Variants in SUMF1 observed in about 807,000 individuals in gnomAD.
SUMF1 encodes sulfatase modifying factor 1, also known as formylglycine-generating enzyme.
SUMF1 carries 48 observed loss-of-function variants against 47.6 expected under a neutral mutation model. The observed-to-expected ratio is 1.01, with a 90% CI of 0.80 to 1.28. The LOEUF is 1.28. Ranked by LOEUF, SUMF1 falls within the 50% of genes most tolerant of loss-of-function variation. The probability of loss-of-function intolerance (pLI) is 0.00; values close to 1 mark genes in which losing one functional copy is unlikely to be tolerated. For missense variants in SUMF1, 571 were observed against 485.4 expected, an observed-to-expected ratio of 1.18 and a Z score of -1.66; for synonymous variants, 230 against 192.1, an observed-to-expected ratio of 1.20 and a Z score of -1.63.
chr3:4,124,771 T>C (rs1450074275), intron 8 of SUMF1, among the ~76,000 whole-genome samples: 2 of 151,518 alleles, frequency 1.3e-5, no homozygotes. Flanking sequence ...AATCAATGTA[T>C]TGATTTGAGA....
chr3:4,112,770 T>A (rs1328491176), intron 8 of SUMF1, among the ~76,000 whole-genome samples: 2 of 152,100 alleles, frequency 1.3e-5, no homozygotes, highest in East Asian at 1.9e-4. Flanking sequence ...TTTCTTCTTA[T>A]CCCCTCCACC....
At chr3:4,199,979 T>G (rs1433125179) in intron 8 of SUMF1, among the ~76,000 whole-genome samples, 2 of 152,130 alleles carry the variant, frequency 1.3e-5, no homozygotes, top group African/African-American at 4.8e-5. Context: ...TTTTCATTTA[T>G]CTTTTATTGT....
intron 8 of SUMF1, among the ~76,000 whole-genome samples, chr3:4,172,088 A>G (rs1694844098): frequency 6.6e-6 from 1 of 152,204 alleles, no homozygotes. Context: ...ACAGACTTCA[A>G]ATAAGACAGT....
intron 3 of SUMF1, among the ~76,000 whole-genome samples, chr3:4,433,810 T>C (rs1702310329): frequency 6.6e-6 from 1 of 152,082 alleles, no homozygotes; most frequent in South Asian, 2.1e-4. Flanking sequence ...AGAAAGCAAA[T>C]TGTCACAGAA....
At chr3:4,237,121 T>C (rs935438675) in intron 8 of SUMF1, among the ~76,000 whole-genome samples, 2 of 152,160 alleles carry the variant, frequency 1.3e-5, no homozygotes, top group African/African-American at 4.8e-5. Flanking sequence ...GGATATATCA[T>C]AGTTTATTTA....
intron 8 of SUMF1, among the ~76,000 whole-genome samples, chr3:4,069,849 A>C (rs1695476724): frequency 6.6e-6 from 1 of 152,176 alleles, no homozygotes; most frequent in African/African-American, 2.4e-5. Flanking sequence ...ATTACCCTGA[A>C]AAGTCTCTTG....
intron 7 of SUMF1, among the ~76,000 whole-genome samples, chr3:4,397,368 C>T (rs186527019): frequency 6.6e-6 from 1 of 152,308 alleles, no homozygotes; most frequent in East Asian, 1.9e-4. Flanking sequence ...CTGTATAAAA[C>T]TGTCAGTCCT....
At chr3:4,260,760 C>T (rs2629234) in intron 8 of SUMF1, among the ~76,000 whole-genome samples, 33,637 of 151,664 alleles carry the variant, frequency 0.22, 5,076 homozygotes, top group African/African-American at 0.42. Flanking sequence ...AAATTTAATA[C>T]TGGCAGAGAC....
At chr3:4,167,965 A>G (rs897406225) in intron 8 of SUMF1, among the ~76,000 whole-genome samples, 4 of 152,174 alleles carry the variant, frequency 2.6e-5, no homozygotes, top group African/African-American at 9.7e-5. Context: ...CAGTATTCCA[A>G]TGATAGAGAG....
chr3:4,262,862 T>C (rs1241684499), intron 8 of SUMF1, among the ~76,000 whole-genome samples: 2 of 152,090 alleles, frequency 1.3e-5, no homozygotes, highest in African/African-American at 4.8e-5. Flanking sequence ...TTTGTTTGTC[T>C]AAGGAAAATC....
intron 1 of SUMF1, among the ~76,000 whole-genome samples, chr3:4,461,510 T>C (rs940196406): frequency 2.0e-5 from 3 of 152,270 alleles, no homozygotes; most frequent in African/African-American, 7.2e-5. Flanking sequence ...CAGGAAGCTG[T>C]GCCCATTGTA....
intron 8 of SUMF1, among the ~76,000 whole-genome samples, chr3:4,220,212 T>A (rs1206344746): frequency 3.3e-5 from 5 of 152,168 alleles, no homozygotes; most frequent in African/African-American, 1.2e-4. Flanking sequence ...AGGGCCACAG[T>A]TCAGCTCATC....
chr3:4,292,853 C>T (rs563518055), intron 8 of SUMF1, among the ~76,000 whole-genome samples: 4 of 152,124 alleles, frequency 2.6e-5, no homozygotes, highest in Non-Finnish European at 4.4e-5. Flanking sequence ...AAAAAAGACA[C>T]ACATATTTCA....
intron 8 of SUMF1, among the ~76,000 whole-genome samples, chr3:4,262,431 C>T (rs1362017558): frequency 1.3e-5 from 2 of 152,042 alleles, no homozygotes; most frequent in South Asian, 4.1e-4. Context: ...GTGGTCAAAG[C>T]AACAACAACA....
intron 3 of SUMF1, among the ~76,000 whole-genome samples, chr3:4,442,484 C>T (rs1176967347): frequency 2.0e-5 from 3 of 151,644 alleles, no homozygotes; most frequent in East Asian, 3.9e-4. Flanking sequence ...TGGTCTCGAT[C>T]TCCTGACCTC....
chr3:4,198,079 A>G (rs1011129886), intron 8 of SUMF1, among the ~76,000 whole-genome samples: 1 of 151,058 alleles, frequency 6.6e-6, no homozygotes, highest in Admixed American at 6.6e-5. Context: ...CAAATGAAAA[A>G]TGTATTCAAT....
At chr3:4,282,438 A>G (rs1211317331) in intron 8 of SUMF1, among the ~76,000 whole-genome samples, 2 of 152,246 alleles carry the variant, frequency 1.3e-5, no homozygotes, top group Non-Finnish European at 2.9e-5. Flanking sequence ...ATTAGTTAGA[A>G]TAAAAATCAA....
At chr3:4,356,812 A>AAT (rs1437212536), downstream of SUMF1, among the ~76,000 whole-genome samples, 10 of 152,356 alleles carry the variant, frequency 6.6e-5, no homozygotes, top group African/African-American at 2.4e-4. Flanking sequence ...CTCCAGGCTG[A>AAT]CATTTCTGCA....
At chr3:4,183,298 T>G (rs1353596139) in intron 8 of SUMF1, among the ~76,000 whole-genome samples, 1 of 152,182 alleles carries the variant, frequency 6.6e-6, no homozygotes, top group Non-Finnish European at 1.5e-5. Flanking sequence ...CAAAAGCAAG[T>G]TCATTGAAAT....
Sources: gnomAD v4.1 joint callset for allele counts (sites outside exome capture counted in the v4.1 genomes callset) on GRCh38, gnomAD v4.1.1 for gene constraint, MANE v1.5 for transcripts, NCBI Gene and HGNC (gene_info 2026-07-23, HGNC 2026-07-21) for gene names.